The following KAZN variants were observed in gnomAD, a reference collection of about 807,000 sequenced individuals.
KAZN encodes the protein kazrin, periplakin interacting protein, also known as kazrin.
KAZN carries 40 observed loss-of-function variants against 87.4 expected under a neutral mutation model. The ratio of observed to expected loss-of-function variants is 0.46; its 90% confidence interval spans 0.36 to 0.60. KAZN has a LOEUF of 0.60. KAZN is among the 20% of genes least tolerant of loss of function. The probability of loss-of-function intolerance (pLI) is 0.00; values close to 1 mark genes in which losing one functional copy is unlikely to be tolerated. For missense variants in KAZN, 898 were observed against 1,073.9 expected (o/e 0.84, Z 2.29); for synonymous variants, 466 against 458.3 (o/e 1.02, Z -0.22).
At chr1:14,256,854 G>C (rs973907009) in intron 2 of KAZN, among the ~76,000 whole-genome samples, 19 of 152,130 alleles carry the variant, frequency 1.2e-4, no homozygotes, top group African/African-American at 4.6e-4. Context: ...TGCCTATTGT[G>C]AATTTCTCAT....
intron 8 of KAZN, among the ~76,000 whole-genome samples, chr1:15,075,512 T>C (rs189451383): frequency 6.6e-6 from 1 of 152,334 alleles, no homozygotes; most frequent in East Asian, 1.9e-4. Context: ...AGATGACTTC[T>C]TCGGGCCCTT....
At chr1:13,976,728 C>T (rs144236967) in intron 1 of KAZN, among the ~76,000 whole-genome samples, 63 of 152,148 alleles carry the variant, frequency 4.1e-4, no homozygotes, top group African/African-American at 1.3e-3. Flanking sequence ...TAAGAACAGG[C>T]ACTTAAAAAG....
At chr1:15,074,981 G>A (rs548155845) in intron 8 of KAZN, among the ~76,000 whole-genome samples, 1 of 152,272 alleles carries the variant, frequency 6.6e-6, no homozygotes, top group African/African-American at 2.4e-5. Flanking sequence ...TCAGCCTCTC[G>A]CCGGCCCTGT....
intron 1 of KAZN, among the ~76,000 whole-genome samples, chr1:14,783,712 T>A (rs1212671915): frequency 6.6e-6 from 1 of 152,034 alleles, no homozygotes; most frequent in Non-Finnish European, 1.5e-5. Context: ...GGCGGTGGCC[T>A]TGAGCGGGGT....
At position 14,046,398 on chromosome 1, in the gene KAZN, A is replaced by G. The variant is rs556282091; in HGVS notation, c.92-134037A>G. Among the ~76,000 whole-genome samples, 39 of 8,020 alleles carry G rather than the reference A, an allele frequency of 4.9e-3. No homozygotes were observed. In the Middle Eastern group the frequency reaches 0.095, roughly 20 times the overall value. The allele number at this position is 8,020 out of a possible 152,430, so 5.3% of individuals were successfully genotyped here. The stretch of plus-strand genomic sequence containing the variant: ...TTTAGGCAGGAATAGGTACATACAT[A>G]TATATATAAATTTATTACCAGAGCA... On this transcript the variant is annotated intron_variant, in intron 1 of 16. Transcript: ENST00000636203.
At chr1:14,124,920 C>T (rs960387502) in intron 1 of KAZN, among the ~76,000 whole-genome samples, 2 of 152,136 alleles carry the variant, frequency 1.3e-5, no homozygotes, top group Non-Finnish European at 2.9e-5. Flanking sequence ...GAGGGAGACA[C>T]AGCAAACAAG....
At chr1:14,963,124 C>T (rs1664080343) in intron 2 of KAZN, among the ~76,000 whole-genome samples, 1 of 151,982 alleles carries the variant, frequency 6.6e-6, no homozygotes, top group African/African-American at 2.4e-5. Context: ...TCTTTACTAA[C>T]TCTGTGCTGT....
At chr1:14,707,040 G>A (rs1642248098) in intron 1 of KAZN, among the ~76,000 whole-genome samples, 1 of 152,160 alleles carries the variant, frequency 6.6e-6, no homozygotes, top group South Asian at 2.1e-4. Flanking sequence ...AGATGGCTTG[G>A]TGTATTCTAA....
Position 14,006,303 on chromosome 1 carries a change from T to C in KAZN, c.91+112547T>C, listed in dbSNP as rs151221171. ...TGGCTCAGGGATCTGCCAGCTGCCTTACAAGTATGGCACCAGTGTCTGCTT... is the reference window on the plus strand; with the variant it reads ...TGGCTCAGGGATCTGCCAGCTGCCTCACAAGTATGGCACCAGTGTCTGCTT... On this transcript the variant is annotated intron_variant, in intron 1 of 16. Transcript: ENST00000636203. Among the ~76,000 whole-genome samples, 821 of 152,286 alleles carry C rather than the reference T, an allele frequency of 5.4e-3. 5 individuals are homozygous for C. The highest frequency in any genetic ancestry group is 0.019 in the African/African-American group (780 of 41,538).
At chr1:14,294,239 A>C (rs558657305) in intron 2 of KAZN, among the ~76,000 whole-genome samples, 1 of 152,248 alleles carries the variant, frequency 6.6e-6, no homozygotes, top group South Asian at 2.1e-4. Context: ...TGCATCTCCA[A>C]AACAGAAGCA....
At chr1:14,180,629 G>A (rs1157483473) in intron 2 of KAZN, 2 of 1,515,128 alleles carry the variant, frequency 1.3e-6, no homozygotes, top group Admixed American at 2.3e-5. Context: ...TATGGAGAAG[G>A]TGGAATCTTT....
In KAZN at chr1:14,112,132, G is replaced by A. The variant is rs894082990; in HGVS notation, c.92-68303G>A. On this transcript the variant is annotated intron_variant, in intron 1 of 16. Transcript: ENST00000636203. ...CGCAGCTTTGCCATATCTGACTGCT[G>A]ACTTCTGACCCAAGGCTGGGTCTGA... Among the ~76,000 whole-genome samples the A allele has an allele frequency of 8.2e-5, 7 of 85,510 alleles. 1 individual carries two copies. The highest frequency in any genetic ancestry group is 3.0e-4 in the African/African-American group (6 of 20,130). 56.1% of individuals were successfully genotyped at this position (85,510 alleles called of 152,430 possible). A position where few individuals can be genotyped will look rare whatever the true frequency, so the allele number is the denominator to read the frequency against.
At chr1:13,996,976 G>A (rs923980094) in intron 1 of KAZN, among the ~76,000 whole-genome samples, 7 of 152,146 alleles carry the variant, frequency 4.6e-5, no homozygotes, top group Non-Finnish European at 7.3e-5. Context: ...GGTGCCCCTC[G>A]AGGTCAGAGA....
At chr1:14,272,581 G>A (rs373300110) in intron 2 of KAZN, among the ~76,000 whole-genome samples, 1 of 152,164 alleles carries the variant, frequency 6.6e-6, no homozygotes, top group South Asian at 2.1e-4. Context: ...ATTCTTGGCT[G>A]GGCACAGTGG....
intron 1 of KAZN, among the ~76,000 whole-genome samples, chr1:14,156,713 A>T (rs1645600310): frequency 6.6e-6 from 1 of 152,012 alleles, no homozygotes; most frequent in Admixed American, 6.6e-5. Context: ...CTTTATTTTC[A>T]GCCTATGTGT....
intron 2 of KAZN, among the ~76,000 whole-genome samples, chr1:14,220,309 T>G (rs1647066899): frequency 6.6e-6 from 1 of 152,196 alleles, no homozygotes; most frequent in South Asian, 2.1e-4. Context: ...GGACCCATTT[T>G]CTTCTTCCAA....
chr1:14,232,341 T>C (rs560788650), intron 2 of KAZN, among the ~76,000 whole-genome samples: 4 of 152,242 alleles, frequency 2.6e-5, no homozygotes, highest in African/African-American at 9.6e-5. Context: ...TTTGAAATAT[T>C]GAAAAAAGTT....
At chr1:14,920,276 G>T (rs1415151138) in intron 1 of KAZN, among the ~76,000 whole-genome samples, 53 of 94,126 alleles carry the variant, frequency 5.6e-4, no homozygotes, top group South Asian at 1.6e-3. Context: ...CCTCTTTTCT[G>T]TTTTTTTTTT....
intron 1 of KAZN, among the ~76,000 whole-genome samples, chr1:14,051,896 A>T (rs2101467789): frequency 6.6e-6 from 1 of 152,244 alleles, no homozygotes; most frequent in African/African-American, 2.4e-5. Flanking sequence ...AACCAAAAAA[A>T]ATGCTGTTAC....
Sources: allele counts gnomAD v4.1 joint callset (sites outside exome capture counted in the v4.1 genomes callset), GRCh38; gene constraint gnomAD v4.1.1; transcripts MANE v1.5; gene names NCBI Gene and HGNC (gene_info 2026-07-23, HGNC 2026-07-21).